The following DLGAP2 variants were observed in gnomAD, a reference collection of about 807,000 sequenced individuals.
The protein encoded by DLGAP2 is DLG associated protein 2, also known as disks large-associated protein 2.
A neutral mutation model predicts 100.3 loss-of-function variants in DLGAP2; 26 were observed. The observed-to-expected ratio is 0.26, with a 90% CI of 0.19 to 0.36. The LOEUF (loss-of-function observed/expected upper bound fraction) is 0.36. Ranked by LOEUF, DLGAP2 falls within the 10% of genes least tolerant of loss-of-function variation. DLGAP2 has a pLI of 1.00. For synonymous variants in DLGAP2, 886 were observed against 630.1 expected (o/e 1.41, Z -6.08); for missense variants, 1,858 against 1,453.2 (o/e 1.28, Z -4.53).
intron 2 of DLGAP2, among the ~76,000 whole-genome samples, chr8:982,883 A>ATTTTTTTTTTTTTTTTTTTTTTTTTTTTT (rs35686773): frequency 8.5e-6 from 1 of 117,338 alleles, no homozygotes. Flanking sequence ...TAAAGGTAGG[A>ATTTTTTTTTTTTTTTTTTTTTTTTTTTTT]TTTTTTTTTT....
At chr8:1,161,502 G>C (rs189561160) in intron 2 of DLGAP2, among the ~76,000 whole-genome samples, 2 of 152,212 alleles carry the variant, frequency 1.3e-5, no homozygotes, top group African/African-American at 4.8e-5. Context: ...CTGTTGGGAT[G>C]TGTGGGGGCC....
At chr8:1,618,002 A>C (rs1232908090) in intron 6 of DLGAP2, among the ~76,000 whole-genome samples, 2 of 152,244 alleles carry the variant, frequency 1.3e-5, no homozygotes, top group African/African-American at 4.8e-5. Context: ...AAATGTCAAC[A>C]TTAAGGGTGC....
intron 2 of DLGAP2, among the ~76,000 whole-genome samples, chr8:1,094,250 G>A (rs1239451122): frequency 2.6e-5 from 4 of 152,196 alleles, no homozygotes; most frequent in Non-Finnish European, 2.9e-5. Context: ...TTTCCAACGC[G>A]AGTAAAGCTT....
At chr8:1,260,542 G>A (rs1197300303) in intron 3 of DLGAP2, among the ~76,000 whole-genome samples, 1 of 152,112 alleles carries the variant, frequency 6.6e-6, no homozygotes, top group Non-Finnish European at 1.5e-5. Flanking sequence ...TTGGAGGCGA[G>A]GGTTTGGACT....
intron 3 of DLGAP2, among the ~76,000 whole-genome samples, chr8:1,353,602 C>T (rs1227209314): frequency 6.6e-6 from 1 of 152,116 alleles, no homozygotes. Flanking sequence ...GATGGTTTGT[C>T]AGGACATAAC....
intron 3 of DLGAP2, among the ~76,000 whole-genome samples, chr8:1,262,912 A>T (rs994291184): frequency 1.3e-5 from 2 of 152,152 alleles, no homozygotes; most frequent in African/African-American, 4.8e-5. Flanking sequence ...CTGTTGGTTT[A>T]CATTTTTATG....
rs1007229375 is a variant in DLGAP2 at position 1,083,299 on chromosome 8, A to T, written c.73+175333A>T. Among the ~76,000 whole-genome samples, 3 of 152,202 alleles carry T rather than the reference A, an allele frequency of 2.0e-5. No individual in the cohort carries two copies. The East Asian group carries it at 5.8e-4, about 29-fold the overall frequency. The stretch of plus-strand genomic sequence containing the variant: ...TGACCAAGGCCAAGCGTGGGACATG[A>T]GCTTTGCTTTTTAATTCTTCACGGG... On this transcript the variant is annotated intron_variant, in intron 2 of 14. Transcript: ENST00000637795.
intron 2 of DLGAP2, among the ~76,000 whole-genome samples, chr8:1,224,755 A>G (rs1341761102): frequency 6.6e-6 from 1 of 152,240 alleles, no homozygotes; most frequent in African/African-American, 2.4e-5. Context: ...ACAAAAGCCT[A>G]ATTTTAAAAT....
intron 2 of DLGAP2, among the ~76,000 whole-genome samples, chr8:1,100,434 T>G (rs1196276033): frequency 6.6e-6 from 1 of 152,012 alleles, no homozygotes; most frequent in Admixed American, 6.6e-5. Context: ...GTACAGCTTG[T>G]GTAGGGAAAA....
intron 2 of DLGAP2, among the ~76,000 whole-genome samples, chr8:972,513 G>A (rs944233918): frequency 1.3e-5 from 2 of 152,192 alleles, no homozygotes; most frequent in African/African-American, 4.8e-5. Flanking sequence ...GCTTTTGATG[G>A]TCTAATCATT....
intron 3 of DLGAP2, among the ~76,000 whole-genome samples, chr8:1,315,923 G>A (rs1252921214): frequency 1.5e-5 from 2 of 135,368 alleles, no homozygotes; most frequent in East Asian, 2.2e-4. Context: ...TAGAGCGTGT[G>A]CGAGTGCAGC....
At chr8:1,006,888 A>G (rs1554464466) in intron 2 of DLGAP2, among the ~76,000 whole-genome samples, 2 of 138,480 alleles carry the variant, frequency 1.4e-5, no homozygotes, top group African/African-American at 5.5e-5. Context: ...AAGTCTCGGG[A>G]TGTGGTCCTT....
chr8:1,595,671 C>T (rs1796432818), intron 6 of DLGAP2, among the ~76,000 whole-genome samples: 1 of 65,104 alleles, frequency 1.5e-5, no homozygotes, highest in African/African-American at 5.7e-5. Context: ...GAGACTCCGT[C>T]TCAAAAAAAA....
chr8:1,684,124 G>T (rs1424617904), intron 12 of DLGAP2, among the ~76,000 whole-genome samples: 2 of 150,956 alleles, frequency 1.3e-5, no homozygotes, highest in African/African-American at 4.9e-5. Context: ...TGGGATTACA[G>T]CTGAATGCCC....
chr8:1,392,008 G>A (rs138156472), intron 3 of DLGAP2, among the ~76,000 whole-genome samples: 11 of 152,184 alleles, frequency 7.2e-5, no homozygotes, highest in East Asian at 5.8e-4. Flanking sequence ...GACTGAGAGC[G>A]TGAAGAACTG....
intron 2 of DLGAP2, among the ~76,000 whole-genome samples, chr8:1,230,386 C>T (rs1202933026): frequency 2.0e-5 from 3 of 152,144 alleles, no homozygotes; most frequent in Admixed American, 1.3e-4. Flanking sequence ...CAAAAACATT[C>T]CATGATGATG....
Position 1,699,679 on chromosome 8 carries a change from C to T in DLGAP2, c.2950-1509C>T, listed in dbSNP as rs563860598. Among the ~76,000 whole-genome samples, 7 of 152,218 alleles carry T rather than the reference C, an allele frequency of 4.6e-5. No homozygotes were observed. The South Asian group carries it at 1.2e-3, about 27-fold the overall frequency. ...GGGCAGAGCACGCCAGTCCAGAAAG[C>T]GAGCAGATCTCCAGCACAGCAGAGG... On this transcript the variant is annotated intron_variant, in intron 14 of 14. Coordinates refer to ENST00000637795, the MANE Select transcript of DLGAP2 (RefSeq NM_001346810.2).
Position 881,961 on chromosome 8 carries a change from C to T in DLGAP2, c.19-25951C>T, listed in dbSNP as rs192887944. Among the ~76,000 whole-genome samples the T allele has an allele frequency of 1.7e-3, 253 of 152,308 alleles. 2 individuals carry two copies. Among genetic ancestry groups the T allele is most frequent in the African/African-American group, 5.9e-3 (244 of 41,558 alleles). On this transcript the variant is annotated intron_variant, in intron 1 of 14. Coordinates refer to ENST00000637795, the MANE Select transcript of DLGAP2 (RefSeq NM_001346810.2). ...ATTCCAGGATATCTGAGTCCCCTGC[C>T]ATGCAAACTCATAGCCTCGTGTGGT...
At chr8:1,165,166 CAGAG>C (rs1229032799) in intron 2 of DLGAP2, among the ~76,000 whole-genome samples, 1 of 109,934 alleles carries the variant, frequency 9.1e-6, no homozygotes, top group East Asian at 3.1e-4. Context: ...GGAAAGGAGA[CAGAG>C]AGAGAGGGAG....
Sources: gnomAD v4.1 joint callset for allele counts (sites outside exome capture counted in the v4.1 genomes callset) on GRCh38, gnomAD v4.1.1 for gene constraint, MANE v1.5 for transcripts, NCBI Gene and HGNC (gene_info 2026-07-23, HGNC 2026-07-21) for gene names.